Variants in EPB41L2 observed in about 807,000 individuals in gnomAD.
EPB41L2 encodes erythrocyte membrane protein band 4.1 like 2.
In EPB41L2, 43 loss-of-function variants were observed where a neutral mutation model predicts 113.0. The ratio of observed to expected loss-of-function variants is 0.38; its 90% CI spans 0.30 to 0.49. The LOEUF is 0.49. EPB41L2 is among the 20% of genes least tolerant of loss of function. The pLI is 0.95. For missense variants in EPB41L2, 1,147 were observed against 1,223.4 expected (o/e 0.94, Z 0.93); for synonymous variants, 442 against 436.7 (o/e 1.01, Z -0.15).
intron 1 of EPB41L2, among the ~76,000 whole-genome samples, chr6:130,972,876 G>C (rs1449261003): frequency 7.1e-6 from 1 of 140,784 alleles, no homozygotes; most frequent in Non-Finnish European, 1.5e-5. Flanking sequence ...GGTGGATCAC[G>C]AGGTCAGGGA....
intron 5 of EPB41L2, among the ~76,000 whole-genome samples, chr6:130,907,217 G>A (rs1798000945): frequency 6.6e-6 from 1 of 152,202 alleles, no homozygotes; most frequent in Admixed American, 6.5e-5. Flanking sequence ...TTCAGAGAAA[G>A]TGTAAGAACT....
intron 19 of EPB41L2, among the ~76,000 whole-genome samples, chr6:130,847,766 G>A (rs1432192961): frequency 2.0e-5 from 3 of 152,008 alleles, no homozygotes; most frequent in South Asian, 2.1e-4. Flanking sequence ...TAGTAGTGCC[G>A]GCCCTAAAGC....
chr6:130,907,111 A>AC (rs971133605), intron 5 of EPB41L2, among the ~76,000 whole-genome samples: 13 of 152,270 alleles, frequency 8.5e-5, no homozygotes, highest in Non-Finnish European at 1.5e-4. Flanking sequence ...TCAAACAAGA[A>AC]CCCAAACAAA....
intron 18 of EPB41L2, among the ~76,000 whole-genome samples, chr6:130,862,148 T>C (rs1412572448): frequency 6.6e-6 from 1 of 152,204 alleles, no homozygotes; most frequent in Non-Finnish European, 1.5e-5. Flanking sequence ...GATTTGAATT[T>C]TGGGGTAAAA....
intron 8 of EPB41L2, among the ~76,000 whole-genome samples, chr6:130,897,028 G>A (rs1348806711): frequency 2.0e-5 from 3 of 152,048 alleles, no homozygotes; most frequent in African/African-American, 7.2e-5. Context: ...ATCTCTCCTT[G>A]GGAGTTTTGG....
chr6:130,856,405 A>G (rs938141202), intron 19 of EPB41L2, among the ~76,000 whole-genome samples: 4 of 152,272 alleles, frequency 2.6e-5, no homozygotes, highest in Non-Finnish European at 4.4e-5. Context: ...AAGAGAGGTG[A>G]ACAAGCATTT....
chr6:130,931,806 T>C (rs935316849), intron 3 of EPB41L2, among the ~76,000 whole-genome samples: 1 of 152,126 alleles, frequency 6.6e-6, no homozygotes, highest in Non-Finnish European at 1.5e-5. Flanking sequence ...GATTCTGGTA[T>C]GTTCCATCTT....
chr6:130,930,287 A>G (rs1260960175), intron 3 of EPB41L2, among the ~76,000 whole-genome samples: 1 of 152,168 alleles, frequency 6.6e-6, no homozygotes. Context: ...TTTTTGTTTT[A>G]AAGACCACAC....
intron 4 of EPB41L2, among the ~76,000 whole-genome samples, chr6:130,924,010 A>T (rs1803764197): frequency 6.6e-6 from 1 of 152,002 alleles, no homozygotes; most frequent in Admixed American, 6.6e-5. Flanking sequence ...AGCAACCACC[A>T]TTCTACTCTT....
chr6:130,920,886 C>G (rs4310079), intron 4 of EPB41L2, among the ~76,000 whole-genome samples: 1 of 152,134 alleles, frequency 6.6e-6, no homozygotes, highest in African/African-American at 2.4e-5. Flanking sequence ...AGCTTACAAA[C>G]GTGTCCAACT....
chr6:130,891,592 A>T (rs1172866824), intron 10 of EPB41L2, among the ~76,000 whole-genome samples: 1 of 152,006 alleles, frequency 6.6e-6, no homozygotes, highest in Non-Finnish European at 1.5e-5. Context: ...GGGATTACAA[A>T]GGTACATGCC....
intron 12 of EPB41L2, chr6:130,880,477 C>T (rs1190706974): frequency 4.6e-6 from 3 of 656,218 alleles, no homozygotes; most frequent in South Asian, 3.4e-5. Flanking sequence ...GTTTCCTCTT[C>T]TTCCATCTTC....
chr6:130,877,945 A>C (rs908428915), intron 14 of EPB41L2, among the ~76,000 whole-genome samples, 159 bp downstream of exon 14: 4 of 152,202 alleles, frequency 2.6e-5, no homozygotes, highest in Non-Finnish European at 2.9e-5. Context: ...TAACTATTAC[A>C]TTGTTAATAT....
intron 1 of EPB41L2, among the ~76,000 whole-genome samples, chr6:130,992,737 TCTC>T (rs1782183147): frequency 6.6e-6 from 1 of 151,970 alleles, no homozygotes; most frequent in South Asian, 2.1e-4. Context: ...TTCAAGCAAT[TCTC>T]CTGCCTCAGC....
At chr6:131,027,352 C>T (rs1044172970) in intron 1 of EPB41L2, among the ~76,000 whole-genome samples, 1 of 152,164 alleles carries the variant, frequency 6.6e-6, no homozygotes, top group Non-Finnish European at 1.5e-5. Flanking sequence ...TCTAAATGTG[C>T]ATCACCCACA....
At chr6:130,906,787 T>C (rs1797858085) in intron 5 of EPB41L2, among the ~76,000 whole-genome samples, 1 of 152,158 alleles carries the variant, frequency 6.6e-6, no homozygotes, top group South Asian at 2.1e-4. Context: ...GCAGGTTTTT[T>C]GGTCCATTTT....
intron 4 of EPB41L2, among the ~76,000 whole-genome samples, chr6:130,914,320 T>C (rs1468106398): frequency 6.6e-6 from 1 of 152,222 alleles, no homozygotes; most frequent in Non-Finnish European, 1.5e-5. Flanking sequence ...TATATATCCA[T>C]AGGTGATGTG....
intron 1 of EPB41L2, among the ~76,000 whole-genome samples, chr6:130,984,829 C>T (rs552542486): frequency 3.9e-5 from 6 of 152,160 alleles, no homozygotes; most frequent in Admixed American, 1.3e-4. Context: ...AACAGATTTA[C>T]GGGCTTGGGA....
chr6:130,862,400 A>G (rs566778522), intron 18 of EPB41L2, among the ~76,000 whole-genome samples: 3 of 152,304 alleles, frequency 2.0e-5, no homozygotes, highest in South Asian at 2.1e-4. Flanking sequence ...TAGGAATTCA[A>G]TGAGTGCTTA....
Sources: allele counts gnomAD v4.1 joint callset (sites outside exome capture counted in the v4.1 genomes callset), GRCh38; gene constraint gnomAD v4.1.1; transcripts MANE v1.5; gene names NCBI Gene and HGNC (gene_info 2026-07-23, HGNC 2026-07-21).